The following RXFP1 variants were observed in gnomAD, a reference collection of about 807,000 sequenced individuals.
The protein encoded by RXFP1 is relaxin family peptide receptor 1.
RXFP1 carries 73 observed loss-of-function variants against 89.8 expected under a neutral mutation model. The observed-to-expected ratio is 0.81, with a 90% CI of 0.67 to 0.99. RXFP1 has a LOEUF of 0.99. RXFP1 is among the 50% of genes least tolerant of loss of function. The probability of loss-of-function intolerance (pLI) is 0.00; values close to 1 mark genes in which losing one functional copy is unlikely to be tolerated. For synonymous variants in RXFP1, 277 were observed against 305.5 expected, an observed-to-expected ratio of 0.91 and a Z score of 0.97; for missense variants, 793 against 895.5, an observed-to-expected ratio of 0.89 and a Z score of 1.46.
chr4:158,589,792 C>G (rs572309516), intron 2 of RXFP1, among the ~76,000 whole-genome samples: 13 of 152,254 alleles, frequency 8.5e-5, no homozygotes, highest in African/African-American at 2.9e-4. Context: ...GTGGCCCACA[C>G]CTATAATCTC....
chr4:158,623,027 A>G (rs563777641), intron 9 of RXFP1, among the ~76,000 whole-genome samples: 25 of 152,272 alleles, frequency 1.6e-4, no homozygotes, highest in African/African-American at 4.6e-4. Context: ...GGCATCATAT[A>G]TTTTATCTAA....
rs759049463 is a variant in RXFP1 at position 158,599,426 on chromosome 4, T to C, written c.387T>C (p.Thr129=). The change falls in exon 4 of 18, where the codon ACT becomes ACC. Residue 129 remains threonine, a synonymous_variant. Coordinates refer to ENST00000307765, the MANE Select transcript of RXFP1 (RefSeq NM_021634.4). ...RAVPSVSSNV[T]AMSLQWNLIR... ...TTCCATCGGTTTCTTCAAATGTGACTGCAATGTAAGTAGAAAAGAATTACT... is the reference window on the plus strand; with the variant it reads ...TTCCATCGGTTTCTTCAAATGTGACCGCAATGTAAGTAGAAAAGAATTACT... 5 of 1,612,726 alleles carry C rather than the reference T, an allele frequency of 3.1e-6. No homozygotes were observed. The Admixed American group carries it at 6.7e-5, about 22-fold the overall frequency.
intron 14 of RXFP1, among the ~76,000 whole-genome samples, chr4:158,639,791 T>G (rs1770002923): frequency 2.6e-5 from 4 of 151,392 alleles, no homozygotes. Context: ...ACCCTGGAGG[T>G]GGAGGTTGCA....
chr4:158,591,940 G>A (rs537022248), intron 2 of RXFP1, among the ~76,000 whole-genome samples: 1 of 152,198 alleles, frequency 6.6e-6, no homozygotes, highest in South Asian at 2.1e-4. Flanking sequence ...CCTACCAAGA[G>A]AATGAAGGCT....
intron 1 of RXFP1, among the ~76,000 whole-genome samples, chr4:158,562,625 A>G (rs1227513131): frequency 2.7e-5 from 4 of 149,990 alleles, no homozygotes; most frequent in African/African-American, 9.8e-5. Context: ...AGCTGAGGTT[A>G]CTTTTGAGCC....
intron 1 of RXFP1, among the ~76,000 whole-genome samples, chr4:158,547,031 T>C (rs375287357): frequency 3.9e-5 from 6 of 152,100 alleles, no homozygotes; most frequent in African/African-American, 1.4e-4. Flanking sequence ...ATGGTACCAG[T>C]TCCTCCTTGT....
At chr4:158,587,017 C>T (rs1242483369) in intron 2 of RXFP1, among the ~76,000 whole-genome samples, 1 of 152,218 alleles carries the variant, frequency 6.6e-6, no homozygotes, top group African/African-American at 2.4e-5. Context: ...AGCCACCTCT[C>T]ATGAATTTCC....
At chr4:158,612,548 T>C (rs1169575715) in intron 8 of RXFP1, among the ~76,000 whole-genome samples, 186 bp downstream of exon 8, 1 of 152,188 alleles carries the variant, frequency 6.6e-6, no homozygotes, top group East Asian at 1.9e-4. Flanking sequence ...AAAGATTTTC[T>C]GTCTTCTAGA....
intron 2 of RXFP1, among the ~76,000 whole-genome samples, chr4:158,585,106 A>G (rs1291230766): frequency 1.3e-5 from 2 of 152,202 alleles, no homozygotes. Flanking sequence ...AAAACCACTG[A>G]TCTAGACGAT....
intron 3 of RXFP1, 163 bp from the exon 4 acceptor site, chr4:158,599,163 C>T (rs1246381458): frequency 1.8e-6 from 2 of 1,112,158 alleles, no homozygotes; most frequent in Non-Finnish European, 1.3e-6. Context: ...TAAAAGCAAA[C>T]TTTGGAGCCT....
At chr4:158,628,112 G>A (rs1421830042) in intron 10 of RXFP1, among the ~76,000 whole-genome samples, 1 of 152,128 alleles carries the variant, frequency 6.6e-6, no homozygotes, top group Non-Finnish European at 1.5e-5. Context: ...AGGCTAGCTG[G>A]TAACACATGA....
chr4:158,621,797 C>T (rs1765675111), intron 9 of RXFP1, among the ~76,000 whole-genome samples: 1 of 152,188 alleles, frequency 6.6e-6, no homozygotes, highest in African/African-American at 2.4e-5. Context: ...AAATGGCCAA[C>T]AGGCATATGC....
At chr4:158,609,116 T>C (rs968286440) in intron 6 of RXFP1, among the ~76,000 whole-genome samples, 1 of 152,246 alleles carries the variant, frequency 6.6e-6, no homozygotes, top group African/African-American at 2.4e-5. Context: ...AATATCTGTT[T>C]GGGTCCCCAC....
intron 2 of RXFP1, among the ~76,000 whole-genome samples, chr4:158,577,281 C>T (rs982117186): frequency 9.2e-5 from 14 of 152,140 alleles, no homozygotes; most frequent in African/African-American, 3.4e-4. Context: ...TCATGATCCA[C>T]CAGCCTCGGC....
At chr4:158,565,563 A>G (rs963678722) in intron 1 of RXFP1, among the ~76,000 whole-genome samples, 4 of 152,222 alleles carry the variant, frequency 2.6e-5, no homozygotes, top group Non-Finnish European at 4.4e-5. Flanking sequence ...AACATCTTGT[A>G]GTGCCAGAAA....
intron 14 of RXFP1, among the ~76,000 whole-genome samples, chr4:158,640,573 TAGA>T (rs1770178361): frequency 6.6e-6 from 1 of 152,052 alleles, no homozygotes; most frequent in Non-Finnish European, 1.5e-5. Context: ...TGTGAAATAA[TAGA>T]AGGAGAACTC....
chr4:158,634,292 A>G (rs1326147332), intron 12 of RXFP1, among the ~76,000 whole-genome samples: 1 of 152,114 alleles, frequency 6.6e-6, no homozygotes, highest in Non-Finnish European at 1.5e-5. Context: ...GCAACTTTTC[A>G]TGTGCTTATT....
At chr4:158,569,707 C>T (rs1246947810) in intron 1 of RXFP1, among the ~76,000 whole-genome samples, 3 of 152,132 alleles carry the variant, frequency 2.0e-5, no homozygotes, top group African/African-American at 7.2e-5. Flanking sequence ...TTAAGTTTGT[C>T]TCCTCTAATT....
intron 5 of RXFP1, chr4:158,607,015 A>T (rs1360281470): frequency 6.9e-7 from 1 of 1,454,344 alleles, no homozygotes; most frequent in South Asian, 1.2e-5. Flanking sequence ...TATTGCTCCT[A>T]AAAGTTATAA....
Sources: allele counts gnomAD v4.1 joint callset (sites outside exome capture counted in the v4.1 genomes callset), GRCh38; gene constraint gnomAD v4.1.1; transcripts MANE v1.5; gene names NCBI Gene and HGNC (gene_info 2026-07-23, HGNC 2026-07-21).